The following ZNF407 variants were observed in gnomAD, a reference collection of about 807,000 sequenced individuals.
ZNF407 encodes the protein zinc finger protein 407.
A neutral mutation model predicts 131.2 loss-of-function variants in ZNF407; 17 were observed. The ratio of observed to expected loss-of-function variants is 0.13; its 90% CI spans 0.09 to 0.19. ZNF407 has a LOEUF of 0.19. Ranked by LOEUF, ZNF407 falls within the 10% of genes least tolerant of loss-of-function variation. The pLI, the probability that ZNF407 is intolerant of heterozygous loss-of-function variation, is 1.00. For missense variants in ZNF407, 2,681 were observed against 2,830.6 expected (o/e 0.95, Z 1.20); for synonymous variants, 1,156 against 1,062.0 (o/e 1.09, Z -1.72).
intron 7 of ZNF407, among the ~76,000 whole-genome samples, chr18:74,902,866 CAA>C (rs1971547644): frequency 6.6e-6 from 1 of 152,192 alleles, no homozygotes; most frequent in Admixed American, 6.5e-5. Context: ...ATTGGACTGA[CAA>C]GAGCTCCCAA....
chr18:74,947,985 A>C (rs950164687), intron 8 of ZNF407, among the ~76,000 whole-genome samples: 13 of 152,242 alleles, frequency 8.5e-5, no homozygotes, highest in African/African-American at 3.1e-4. Context: ...ATGACTTCAG[A>C]GGTAAAATAA....
At position 75,001,027 on chromosome 18, in the gene ZNF407, G is replaced by T. The variant is rs145966242; in HGVS notation, c.5429-62123G>T. Reference sequence around the variant, plus strand: ...CATTTCCAGAATTCTCTTTTTGAGGGCCCCTACCAGAAATTGGTCATTTCT... The same window carrying T: ...CATTTCCAGAATTCTCTTTTTGAGGTCCCCTACCAGAAATTGGTCATTTCT... On this transcript the variant is annotated intron_variant, in intron 8 of 8. Coordinates refer to ENST00000299687, the MANE Select transcript of ZNF407 (RefSeq NM_017757.3). Among the ~76,000 whole-genome samples the T allele has an allele frequency of 1.2e-4, 19 of 152,124 alleles. No individual in the cohort carries two copies. In the East Asian group the frequency reaches 3.5e-3, roughly 28 times the overall value.
intron 4 of ZNF407, among the ~76,000 whole-genome samples, chr18:74,829,858 T>C (rs1970458830): frequency 6.6e-6 from 1 of 152,068 alleles, no homozygotes; most frequent in Admixed American, 6.6e-5. Flanking sequence ...AAAATTGCGG[T>C]GAATTACATT....
intron 8 of ZNF407, among the ~76,000 whole-genome samples, chr18:74,955,622 T>G (rs773210000): frequency 6.6e-6 from 1 of 152,162 alleles, no homozygotes; most frequent in Non-Finnish European, 1.5e-5. Context: ...AAATAAAAGG[T>G]TAAGTCCTGT....
intron 7 of ZNF407, among the ~76,000 whole-genome samples, chr18:74,896,538 C>G (rs554858123): frequency 1.6e-3 from 244 of 152,318 alleles, no homozygotes; most frequent in Middle Eastern, 0.014. Flanking sequence ...GTGCTTGCTC[C>G]TGGTCAGATC....
chr18:75,001,908 T>C (rs1258775540), intron 8 of ZNF407, among the ~76,000 whole-genome samples: 1 of 152,212 alleles, frequency 6.6e-6, no homozygotes, highest in East Asian at 1.9e-4. Context: ...AGGGCAGTTT[T>C]GGGAGAGGAG....
intron 3 of ZNF407, among the ~76,000 whole-genome samples, chr18:74,780,776 T>G (rs1447467910): frequency 3.9e-5 from 6 of 152,160 alleles, no homozygotes; most frequent in African/African-American, 1.4e-4. Flanking sequence ...ATGGCATTCA[T>G]GTACTGCTGA....
At chr18:74,680,400 T>TAAA (rs11404762) in intron 3 of ZNF407, among the ~76,000 whole-genome samples, 4 of 137,606 alleles carry the variant, frequency 2.9e-5, no homozygotes, top group African/African-American at 2.7e-5. Flanking sequence ...GACCTTGCCT[T>TAAA]AAAAAAAAAA....
Position 74,804,173 on chromosome 18 carries a change from G to T in ZNF407, c.4877+22671G>T, listed in dbSNP as rs1361589474. ...TTTCCTTTTATCTGTGTACTTCTTT[G>T]CATACTTGAATTCATTTGTGTGATG... On this transcript the variant is annotated intron_variant, in intron 4 of 8. Coordinates refer to ENST00000299687, the MANE Select transcript of ZNF407 (RefSeq NM_017757.3). The T allele has an allele frequency of 2.9e-6, 4 of 1,401,502 alleles. No individual in the cohort carries two copies. The Admixed American group carries it at 8.5e-5, about 30-fold the overall frequency. 86.8% of individuals were successfully genotyped at this position (1,401,502 alleles called of 1,614,324 possible). A position where few individuals can be genotyped will look rare whatever the true frequency, so the allele number is the denominator to read the frequency against.
At chr18:74,612,336 T>G (rs771172882) in intron 1 of ZNF407, among the ~76,000 whole-genome samples, 2 of 152,144 alleles carry the variant, frequency 1.3e-5, no homozygotes, top group Non-Finnish European at 2.9e-5. Flanking sequence ...GATAATTTGT[T>G]TTTCTTGAAG....
chr18:74,827,893 G>A (rs2628100), intron 4 of ZNF407, among the ~76,000 whole-genome samples: 127,437 of 152,150 alleles, frequency 0.84, 54,031 homozygotes, highest in Non-Finnish European at 0.9. Flanking sequence ...TTAGCTTTTA[G>A]CCTTCCCATG....
In ZNF407 at chr18:74,684,468, A is replaced by C. The variant is rs1967053296; in HGVS notation, c.4802+43346A>C. On this transcript the variant is annotated intron_variant, in intron 3 of 8. Coordinates refer to ENST00000299687, the MANE Select transcript of ZNF407 (RefSeq NM_017757.3). ...CGAAATAGTAAAGTGCTCTGGATAA[A>C]TTTTGTTTCATAGCTACTGTCCGGT... Among the ~76,000 whole-genome samples the C allele has an allele frequency of 1.3e-5, 2 of 152,334 alleles. 1 individual carries two copies. Among genetic ancestry groups the C allele is most frequent in the South Asian group, 4.1e-4 (2 of 4,828 alleles).
At chr18:74,811,695 TA>T (rs1159644673) in intron 4 of ZNF407, among the ~76,000 whole-genome samples, 1 of 151,840 alleles carries the variant, frequency 6.6e-6, no homozygotes, top group Admixed American at 6.6e-5. Context: ...TATGCAGCCA[TA>T]AAAAATGATG....
chr18:74,928,178 G>T (rs1013486567), intron 8 of ZNF407, among the ~76,000 whole-genome samples: 3 of 152,128 alleles, frequency 2.0e-5, no homozygotes, highest in Non-Finnish European at 4.4e-5. Context: ...TACATGTAAG[G>T]TATACATTTG....
At chr18:75,013,300 G>C (rs886781220) in intron 8 of ZNF407, among the ~76,000 whole-genome samples, 3 of 152,084 alleles carry the variant, frequency 2.0e-5, no homozygotes, top group African/African-American at 7.2e-5. Flanking sequence ...AAGACATGAT[G>C]TTTCACAGCA....
At chr18:74,967,973 G>GT (rs1166609717) in intron 8 of ZNF407, among the ~76,000 whole-genome samples, 2 of 152,064 alleles carry the variant, frequency 1.3e-5, no homozygotes, top group Admixed American at 1.3e-4. Context: ...AATTGTCTAT[G>GT]TTTTTTTGTG....
chr18:74,813,254 G>T (rs1270026913), intron 4 of ZNF407, among the ~76,000 whole-genome samples: 2 of 152,116 alleles, frequency 1.3e-5, no homozygotes, highest in African/African-American at 4.8e-5. Flanking sequence ...ATTGAGCTTG[G>T]ACAGGTGGGC....
chr18:74,729,671 C>T (rs560824581), intron 3 of ZNF407, among the ~76,000 whole-genome samples: 2 of 152,242 alleles, frequency 1.3e-5, no homozygotes, highest in South Asian at 2.1e-4. Context: ...ATATCACTGG[C>T]ATACAAAAGC....
At position 74,689,905 on chromosome 18, in the gene ZNF407, A is replaced by G. The variant is rs113097176; in HGVS notation, c.4802+48783A>G. ...AAGTGGGCCCAGGTGGGATGCTGCC[A>G]TGGTGGGAACCTCATCCAGATGTCA... On this transcript the variant is annotated intron_variant, in intron 3 of 8. Coordinates refer to ENST00000299687, the MANE Select transcript of ZNF407 (RefSeq NM_017757.3). 1.4e-3 allele frequency among the ~76,000 whole-genome samples: 209 copies of G among 152,338 alleles called. 1 individual carries two copies. Among genetic ancestry groups the G allele is most frequent in the African/African-American group, 4.6e-3 (193 of 41,572 alleles).
Sources: gnomAD v4.1 joint callset for allele counts (sites outside exome capture counted in the v4.1 genomes callset) on GRCh38, gnomAD v4.1.1 for gene constraint, MANE v1.5 for transcripts, NCBI Gene and HGNC (gene_info 2026-07-23, HGNC 2026-07-21) for gene names.